The following PCBP3 variants were observed in gnomAD, a reference collection of about 807,000 sequenced individuals.
The protein encoded by PCBP3 is poly(rC) binding protein 3, also known as poly(rC)-binding protein 3.
A neutral mutation model predicts 52.7 loss-of-function variants in PCBP3; 25 were observed. That is an observed-to-expected ratio of 0.47 (90% CI 0.35 to 0.66). PCBP3 has a LOEUF of 0.66. Among genes scored for constraint, PCBP3 ranks in the 30% least tolerant of loss-of-function variants. The pLI, the probability that PCBP3 is intolerant of heterozygous loss-of-function variation, is 0.01. For missense variants in PCBP3, 391 were observed against 490.3 expected, an observed-to-expected ratio of 0.80 and a Z score of 1.91; for synonymous variants, 162 against 183.0, an observed-to-expected ratio of 0.89 and a Z score of 0.93.
intron 2 of PCBP3, among the ~76,000 whole-genome samples, chr21:45,731,008 A>G (rs1364879163): frequency 6.6e-6 from 1 of 152,106 alleles, no homozygotes; most frequent in East Asian, 1.9e-4. Flanking sequence ...GGATGTTGAG[A>G]CCATTCATAT....
At chr21:45,747,019 C>G (rs1027262137) in intron 3 of PCBP3, among the ~76,000 whole-genome samples, 4 of 152,046 alleles carry the variant, frequency 2.6e-5, no homozygotes, top group Non-Finnish European at 5.9e-5. Context: ...ATCGCTGTGT[C>G]AGTCCATTTT....
chr21:45,715,368 A>C (rs557009545), intron 2 of PCBP3, among the ~76,000 whole-genome samples: 2 of 152,206 alleles, frequency 1.3e-5, no homozygotes, highest in Non-Finnish European at 2.9e-5. Flanking sequence ...ATTGAGGTAT[A>C]ATTTGCATAC....
At chr21:45,669,266 C>G (rs968970239) in intron 2 of PCBP3, among the ~76,000 whole-genome samples, 10 of 151,968 alleles carry the variant, frequency 6.6e-5, no homozygotes, top group Non-Finnish European at 1.3e-4. Flanking sequence ...GTTTCCAGTT[C>G]ACCAATTCTT....
At chr21:45,889,639 G>C (rs531739462) in intron 5 of PCBP3, among the ~76,000 whole-genome samples, 33 of 152,326 alleles carry the variant, frequency 2.2e-4, no homozygotes, top group Non-Finnish European at 3.4e-4. Context: ...TTCAGGCCTG[G>C]CTGCGTCTTT....
intron 2 of PCBP3, among the ~76,000 whole-genome samples, chr21:45,695,939 C>T (rs1024633106): frequency 4.6e-5 from 7 of 151,796 alleles, no homozygotes; most frequent in African/African-American, 7.3e-5. Context: ...ATTAGCCTGA[C>T]GTGGTGGCAC....
intron 2 of PCBP3, among the ~76,000 whole-genome samples, chr21:45,695,358 A>G (rs2082707123): frequency 6.6e-6 from 1 of 152,094 alleles, no homozygotes; most frequent in South Asian, 2.1e-4. Context: ...GTTTGATGGC[A>G]TGGCAGCCAG....
intron 9 of PCBP3, among the ~76,000 whole-genome samples, chr21:45,907,355 C>T (rs1030100283): frequency 6.6e-6 from 1 of 152,178 alleles, no homozygotes; most frequent in Non-Finnish European, 1.5e-5. Flanking sequence ...AGTGGGGTTT[C>T]ACTCCACTGA....
At chr21:45,933,138 A>T (rs529007379) in intron 15 of PCBP3, among the ~76,000 whole-genome samples, 5 of 152,182 alleles carry the variant, frequency 3.3e-5, no homozygotes, top group Non-Finnish European at 7.4e-5. Flanking sequence ...CACATTGGCC[A>T]TGCTGTCTTG....
intron 5 of PCBP3, chr21:45,858,388 A>C (rs1231233117): frequency 1.3e-5 from 2 of 152,274 alleles, no homozygotes; most frequent in Admixed American, 1.3e-4. Context: ...GGCTGGGCGG[A>C]GGAGGAACGG....
intron 5 of PCBP3, among the ~76,000 whole-genome samples, chr21:45,865,355 C>T (rs1024656274): frequency 1.1e-4 from 17 of 152,210 alleles, no homozygotes; most frequent in African/African-American, 2.2e-4. Flanking sequence ...GGGGAGAATG[C>T]GTACCGCTAT....
At chr21:45,899,054 G>T (rs893412070) in intron 6 of PCBP3, among the ~76,000 whole-genome samples, 3 of 152,094 alleles carry the variant, frequency 2.0e-5, no homozygotes, top group African/African-American at 7.2e-5. Context: ...CCCGCTGCTG[G>T]ACAGGGAGAT....
chr21:45,845,669 GTGCA>G (rs1186565121), intron 4 of PCBP3, among the ~76,000 whole-genome samples: 1 of 152,032 alleles, frequency 6.6e-6, no homozygotes, highest in African/African-American at 2.4e-5. Flanking sequence ...CCTTTGCCAT[GTGCA>G]TGCATGTGTG....
intron 1 of PCBP3, among the ~76,000 whole-genome samples, chr21:45,653,255 TGGTA>T (rs1218235107): frequency 2.0e-5 from 3 of 152,356 alleles, no homozygotes; most frequent in African/African-American, 7.2e-5. Flanking sequence ...TTAGCTGAGT[TGGTA>T]AGCATGTTAC....
At chr21:45,765,986 G>GTT (rs1054956333) in intron 4 of PCBP3, among the ~76,000 whole-genome samples, 2 of 152,238 alleles carry the variant, frequency 1.3e-5, no homozygotes, top group Non-Finnish European at 2.9e-5. Context: ...GGTCAGTGAT[G>GTT]TTGGATGTGG....
At chr21:45,842,912 C>A (rs142401709) in intron 4 of PCBP3, among the ~76,000 whole-genome samples, 1 of 152,210 alleles carries the variant, frequency 6.6e-6, no homozygotes, top group African/African-American at 2.4e-5. Flanking sequence ...GCTTTCTGAC[C>A]TAATAGGTTC....
intron 4 of PCBP3, among the ~76,000 whole-genome samples, chr21:45,764,663 G>A (rs895886747): frequency 6.6e-6 from 1 of 152,156 alleles, no homozygotes; most frequent in African/African-American, 2.4e-5. Flanking sequence ...CTGTGCTTAG[G>A]AGTACACCTG....
At chr21:45,652,613 T>C (rs1355737719) in intron 1 of PCBP3, among the ~76,000 whole-genome samples, 2 of 152,128 alleles carry the variant, frequency 1.3e-5, no homozygotes, top group East Asian at 1.9e-4. Context: ...GGCTAATTTT[T>C]GTATTTTTTA....
intron 4 of PCBP3, among the ~76,000 whole-genome samples, chr21:45,769,189 G>C (rs2089641614): frequency 6.6e-6 from 1 of 152,194 alleles, no homozygotes; most frequent in Non-Finnish European, 1.5e-5. Context: ...TCAGTTCCAG[G>C]GCCCCACAAG....
intron 2 of PCBP3, among the ~76,000 whole-genome samples, chr21:45,679,518 T>G (rs2081698822): frequency 6.6e-6 from 1 of 152,226 alleles, no homozygotes; most frequent in African/African-American, 2.4e-5. Flanking sequence ...ATAAATTTTA[T>G]ATGCCTTGGG....
Sources: allele counts gnomAD v4.1 joint callset (sites outside exome capture counted in the v4.1 genomes callset), GRCh38; gene constraint gnomAD v4.1.1; transcripts MANE v1.5; gene names NCBI Gene and HGNC (gene_info 2026-07-23, HGNC 2026-07-21).